The following SLC13A5 variants were observed in gnomAD, a reference collection of about 807,000 sequenced individuals.
The protein encoded by SLC13A5 is solute carrier family 13 member 5, also known as Na(+)/citrate cotransporter.
In SLC13A5, 25 loss-of-function variants were observed where a neutral mutation model predicts 56.5. That is an observed-to-expected ratio of 0.44 (90% CI 0.32 to 0.62). The LOEUF is 0.62. Among genes scored for constraint, SLC13A5 ranks in the 20% least tolerant of loss-of-function variants. The pLI is 0.04. For synonymous variants in SLC13A5, 307 were observed against 301.5 expected, an observed-to-expected ratio of 1.02 and a Z score of -0.19; for missense variants, 649 against 737.8, an observed-to-expected ratio of 0.88 and a Z score of 1.39.
chr17:6,713,292 G>A lies in SLC13A5; in HGVS notation c.42C>T (p.Phe14=). 6.2e-7 allele frequency: 1 copy of A among 1,614,042 alleles called. No homozygotes were observed. The highest frequency in any genetic ancestry group is 8.5e-7 in the Non-Finnish European group (1 of 1,179,942). Residue 14 remains phenylalanine, a synonymous_variant, in exon 1 of 12, where the codon TTC becomes TTT. Transcript: ENST00000433363. The surrounding 1 kb of genome is among the most constrained non-coding windows in gnomAD (Gnocchi z 7.3). ...ALSYVSKFKS[F]VILFVTPLLL... ...GGAGCGGGGTGACGAACAAGATCACGAAGGACTTGAACTTGGAGACATAGC... is the reference window on the plus strand; with the variant it reads ...GGAGCGGGGTGACGAACAAGATCACAAAGGACTTGAACTTGGAGACATAGC...
At chr17:6,700,178 G>A (rs1973672301) in intron 6 of SLC13A5, among the ~76,000 whole-genome samples, 1 of 152,124 alleles carries the variant, frequency 6.6e-6, no homozygotes, top group Non-Finnish European at 1.5e-5. Flanking sequence ...AGATAAATTT[G>A]TGTGTTTTAG....
chr17:6,706,870 G>C (rs1194344762), intron 2 of SLC13A5, 92 bp from the exon 3 acceptor site: 44 of 1,576,054 alleles, frequency 2.8e-5, no homozygotes, highest in Non-Finnish European at 3.7e-5. Flanking sequence ...GGACAGCTTG[G>C]AGTGGGGATG....
chr17:6,698,640 G>A (rs1973622833), intron 6 of SLC13A5, among the ~76,000 whole-genome samples: 1 of 152,244 alleles, frequency 6.6e-6, no homozygotes, highest in Non-Finnish European at 1.5e-5. Flanking sequence ...ACAAAGCTCT[G>A]TGTTGACCAC....
At position 6,687,433 on chromosome 17, in the gene SLC13A5, T is replaced by C. The variant is rs1973277206; in HGVS notation, c.1575+96A>G. 1.9e-6 allele frequency: 3 copies of C among 1,553,542 alleles called. No homozygotes were observed. Among genetic ancestry groups the C allele is most frequent in the East Asian group, 2.3e-5 (1 of 44,162 alleles). On this transcript the variant is annotated intron_variant, in intron 11 of 11. Transcript: ENST00000433363. This position sits in a 1 kb window ranked among gnomAD's most constrained non-coding sequence, Gnocchi z 5.0. ...TGTTCCGTGGCATTCCCAAGTCACATGACATCGTTTTGAAACTCTGTCATT... is the reference window on the plus strand; with the variant it reads ...TGTTCCGTGGCATTCCCAAGTCACACGACATCGTTTTGAAACTCTGTCATT...
In SLC13A5 at chr17:6,685,571, C is replaced by A; in HGVS notation, c.*636G>T. 6.5e-6 allele frequency: 1 copy of A among 153,652 alleles called. No individual in the cohort carries two copies. Among genetic ancestry groups the A allele is most frequent in the Admixed American group, 6.4e-5 (1 of 15,588 alleles). The allele number at this position is 153,652 out of a possible 1,614,324, so 9.5% of individuals were successfully genotyped here. ...GCACTGTGGGTGGCAAGCCAGGTGT[C>A]GTCCTGAAGTTGGCAACTCAGATTC... On this transcript the variant is annotated 3_prime_UTR_variant, in exon 12 of 12. Transcript: ENST00000433363. This position sits in a 1 kb window ranked among gnomAD's most constrained non-coding sequence, Gnocchi z 4.2.
chr17:6,696,607 G>A (rs920268168), intron 6 of SLC13A5, among the ~76,000 whole-genome samples: 1 of 152,126 alleles, frequency 6.6e-6, no homozygotes, highest in Admixed American at 6.5e-5. Context: ...GCGTTGGCAT[G>A]AGGAGGCAGG....
intron 6 of SLC13A5, among the ~76,000 whole-genome samples, chr17:6,697,450 C>A (rs1434043816): frequency 2.6e-5 from 4 of 152,220 alleles, no homozygotes; most frequent in Non-Finnish European, 4.4e-5. Flanking sequence ...TCGTGCTGAG[C>A]AGCTTTGCTC....
intron 11 of SLC13A5, 81 bp from the exon 12 acceptor site, chr17:6,686,419 T>G: frequency 6.4e-7 from 1 of 1,560,038 alleles, no homozygotes; most frequent in Non-Finnish European, 8.8e-7. Context: ...GTCGGCTCAC[T>G]GGGCCTCGAT....
intron 4 of SLC13A5, 147 bp downstream of exon 4, chr17:6,703,731 C>T (rs1973781373): frequency 3.9e-6 from 3 of 777,290 alleles, no homozygotes; most frequent in Non-Finnish European, 3.9e-6. Context: ...CTTAGGACAA[C>T]AGTATTTTCT....
chr17:6,703,186 C>T, intron 4 of SLC13A5, 48 bp from the exon 5 acceptor site: 2 of 1,605,058 alleles, frequency 1.2e-6, no homozygotes, highest in Non-Finnish European at 1.7e-6. Context: ...GGGGGCTGCC[C>T]ACCCAGCCCC....
chr17:6,686,434 C>T lies in SLC13A5; in HGVS notation c.1576-96G>A, dbSNP rs145677080. On this transcript the variant is annotated intron_variant, in intron 11 of 11. Transcript: ENST00000433363. ...GTCGGCTCACTGGGCCTCGATGTCC[C>T]TGTGCCATGCTCTGTCCCTGGCTGG... The T allele has an allele frequency of 6.9e-4, 1,041 of 1,504,052 alleles. 8 individuals carry two copies. The East Asian group carries it at 0.018, about 27-fold the overall frequency. The allele number at this position is 1,504,052 out of a possible 1,614,324, so 93.2% of individuals were successfully genotyped here. A position where few individuals can be genotyped will look rare whatever the true frequency, so the allele number is the denominator to read the frequency against.
At chr17:6,690,703 C>T (rs930199268) in intron 10 of SLC13A5, 76 bp downstream of exon 10, 53 of 1,596,884 alleles carry the variant, frequency 3.3e-5, no homozygotes, top group Non-Finnish European at 4.4e-5. Flanking sequence ...GACATTGCTG[C>T]CTCGTCAGGG....
chr17:6,693,190 C>G (rs765337465), intron 8 of SLC13A5, 28 bp from the exon 9 acceptor site: 1 of 581,886 alleles, frequency 1.7e-6, no homozygotes, highest in African/African-American at 2.2e-5. Flanking sequence ...CACACACACA[C>G]ACACACACAC....
At chr17:6,708,297 G>T (rs1006468898) in intron 1 of SLC13A5, among the ~76,000 whole-genome samples, 1 of 152,088 alleles carries the variant, frequency 6.6e-6, no homozygotes, top group Non-Finnish European at 1.5e-5. Context: ...GTCTCCCTGC[G>T]CCTCTTCTAT....
At chr17:6,706,251 G>A (rs192470193) in intron 3 of SLC13A5, among the ~76,000 whole-genome samples, 162 of 152,220 alleles carry the variant, frequency 1.1e-3, no homozygotes, top group African/African-American at 3.8e-3. Context: ...GGACCTTTCT[G>A]CTTCCCCATG....
At chr17:6,702,834 C>T in intron 5 of SLC13A5, 136 bp downstream of exon 5, 1 of 1,078,622 alleles carries the variant, frequency 9.3e-7, no homozygotes. Flanking sequence ...TCTTTCCACC[C>T]CTGCCAGGCT....
chr17:6,693,181 A>ACACACACACACG lies in SLC13A5; in HGVS notation c.1157-20_1157-19insCGTGTGTGTGTG. 1 of 230,440 alleles carries ACACACACACACG rather than the reference A, an allele frequency of 4.3e-6. No individual in the cohort carries two copies. 14.3% of individuals were successfully genotyped at this position (230,440 alleles called of 1,614,324 possible). On this transcript the variant is annotated intron_variant, in intron 8 of 11. Transcript: ENST00000433363. ...TTCCTTTCTGGGAAGAAAAAGAAAC[A>ACACACACACACG]CACACACACACACACACACACACAC...
intron 4 of SLC13A5, among the ~76,000 whole-genome samples, 178 bp downstream of exon 4, chr17:6,703,700 T>A (rs897917271): frequency 2.1e-5 from 3 of 142,610 alleles, no homozygotes; most frequent in African/African-American, 8.0e-5. Context: ...CTAAGTTGTG[T>A]GCAATAATCC....
chr17:6,697,750 G>T, intron 6 of SLC13A5, among the ~76,000 whole-genome samples: 1 of 152,170 alleles, frequency 6.6e-6, no homozygotes, highest in East Asian at 1.9e-4. Context: ...GGACAGTTAG[G>T]TATAACCAGT....
Sources: allele counts gnomAD v4.1 joint callset (sites outside exome capture counted in the v4.1 genomes callset), GRCh38; gene constraint gnomAD v4.1.1; non-coding constraint Gnocchi (gnomAD v3.1); transcripts MANE v1.5; gene names NCBI Gene and HGNC (gene_info 2026-07-23, HGNC 2026-07-21).